Variants in OC90 observed in about 807,000 individuals in gnomAD.
OC90 encodes the protein otoconin-90.
In OC90, 46 loss-of-function variants were observed where a neutral mutation model predicts 47.3. The observed-to-expected ratio is 0.97, with a 90% CI of 0.77 to 1.24. OC90 has a LOEUF of 1.24. OC90 is among the 50% of genes most tolerant of loss of function. The pLI, the probability that OC90 is intolerant of heterozygous loss-of-function variation, is 0.00. For synonymous variants in OC90, 271 were observed against 219.5 expected (o/e 1.23, Z -2.07); for missense variants, 688 against 583.9 (o/e 1.18, Z -1.84).
intron 2 of OC90, among the ~76,000 whole-genome samples, chr8:132,052,885 C>G (rs377446576): frequency 1.3e-5 from 2 of 152,130 alleles, no homozygotes. Flanking sequence ...AACTGAGACT[C>G]TTCGATGAAG....
intron 2 of OC90, among the ~76,000 whole-genome samples, chr8:132,051,155 G>A (rs191314664): frequency 1.3e-5 from 2 of 152,280 alleles, no homozygotes; most frequent in Non-Finnish European, 2.9e-5. Context: ...TGAGAAAACT[G>A]TTGGATAGAA....
At chr8:132,053,585 C>T (rs139204063) in intron 2 of OC90, among the ~76,000 whole-genome samples, 138 of 152,206 alleles carry the variant, frequency 9.1e-4, no homozygotes, top group African/African-American at 3.1e-3. Flanking sequence ...TGTATTCTAC[C>T]GAAAAGATCA....
chr8:132,058,194 C>T (rs772861018), intron 1 of OC90, among the ~76,000 whole-genome samples: 4 of 152,052 alleles, frequency 2.6e-5, no homozygotes, highest in Non-Finnish European at 4.4e-5. Context: ...GAGGATGACC[C>T]GAATCTGGGG....
intron 6 of OC90, 92 bp from the exon 7 acceptor site, chr8:132,039,215 C>G: frequency 2.1e-6 from 3 of 1,401,072 alleles, no homozygotes; most frequent in South Asian, 2.5e-5. Flanking sequence ...CTCATCTCCC[C>G]TGCCAAAAAT....
At chr8:132,025,721 CA>C (rs1822747327) in intron 13 of OC90, among the ~76,000 whole-genome samples, 1 of 152,200 alleles carries the variant, frequency 6.6e-6, no homozygotes, top group African/African-American at 2.4e-5. Flanking sequence ...TACTTTGCTT[CA>C]GTAAACTCTT....
chr8:132,053,863 A>G (rs528972545), intron 2 of OC90, among the ~76,000 whole-genome samples: 1 of 152,298 alleles, frequency 6.6e-6, no homozygotes, highest in Non-Finnish European at 1.5e-5. Context: ...GGCAGCTCCG[A>G]GTGAGAGTAG....
At chr8:132,026,351 C>T (rs1288236557) in intron 13 of OC90, among the ~76,000 whole-genome samples, 3 of 152,214 alleles carry the variant, frequency 2.0e-5, no homozygotes, top group African/African-American at 7.2e-5. Context: ...TTTTTCCTAT[C>T]ATATACCACA....
At chr8:132,055,996 GT>G (rs1327826219) in intron 1 of OC90, among the ~76,000 whole-genome samples, 1 of 152,186 alleles carries the variant, frequency 6.6e-6, no homozygotes, top group African/African-American at 2.4e-5. Flanking sequence ...AATACGGTTG[GT>G]TGTCTTGTGC....
chr8:132,031,775 G>A (rs1203804761), intron 12 of OC90, 106 bp downstream of exon 12: 2 of 936,872 alleles, frequency 2.1e-6, no homozygotes, highest in Non-Finnish European at 3.2e-6. Flanking sequence ...CAAGCATTTA[G>A]TGAGGCCCAA....
chr8:132,039,306 C>T (rs766248221), intron 6 of OC90, among the ~76,000 whole-genome samples, 183 bp from the exon 7 acceptor site: 15 of 151,952 alleles, frequency 9.9e-5, no homozygotes, highest in Non-Finnish European at 1.8e-4. Flanking sequence ...GGTCCATACC[C>T]ACTCCTCTTC....
intron 4 of OC90, among the ~76,000 whole-genome samples, chr8:132,042,909 T>C: frequency 6.6e-6 from 1 of 152,244 alleles, no homozygotes; most frequent in Non-Finnish European, 1.5e-5. Context: ...GGAATTCCGC[T>C]ACTGGAATTT....
rs79332351 is a variant in OC90 at position 132,033,152 on chromosome 8, A to G, written c.746T>C (p.Ile249Thr). 4.6e-3 allele frequency: 7,363 copies of G among 1,605,014 alleles called. 340 individuals are homozygous for G. In the East Asian group the frequency reaches 0.11, roughly 23 times the overall value. Residue 249 changes from isoleucine (I) to threonine (T), a missense_variant, in exon 11 of 14, where the codon ATA becomes ACA. Physicochemically the swap from Ile to Thr is moderately conservative, Grantham distance 89. Coordinates refer to ENST00000254627, the MANE Select transcript of OC90 (RefSeq NM_001080399.3). ...TTTAGCTGTAACCCTTGTTGCAACT[A>G]TCTCTGCAGATCCTGAAAATGAAAA... ...RATSPPGSAE[I>T]VATRVTAKIV...
Position 132,039,148 on chromosome 8 carries a change from A to T in OC90, c.458-25T>A, listed in dbSNP as rs752805319. 5 of 1,577,450 alleles carry T rather than the reference A, an allele frequency of 3.2e-6. No individual in the cohort carries two copies. In the South Asian group the frequency reaches 4.6e-5, roughly 15 times the overall value. On this transcript the variant is annotated intron_variant, in intron 6 of 13. Coordinates refer to ENST00000254627, the MANE Select transcript of OC90 (RefSeq NM_001080399.3). ...TCTGCACACAGCAAGAGCATAGCCAATTGGAAAGATCTCAGCTGGAATCCC... is the reference window on the plus strand; with the variant it reads ...TCTGCACACAGCAAGAGCATAGCCATTTGGAAAGATCTCAGCTGGAATCCC...
chr8:132,046,481 T>C (rs1254903790), intron 2 of OC90, among the ~76,000 whole-genome samples: 1 of 152,184 alleles, frequency 6.6e-6, no homozygotes, highest in South Asian at 2.1e-4. Flanking sequence ...TGTTACTTAA[T>C]GGTGTAATAA....
At chr8:132,033,220 G>A (rs1337581720) in intron 10 of OC90, 56 bp from the exon 11 acceptor site, 14 of 1,568,432 alleles carry the variant, frequency 8.9e-6, no homozygotes, top group Non-Finnish European at 1.1e-5. Context: ...GGAGAGATTT[G>A]CAGATGGACA....
At chr8:132,024,905 C>T in intron 13 of OC90, 129 bp from the exon 14 acceptor site, 1 of 701,310 alleles carries the variant, frequency 1.4e-6, no homozygotes, top group Non-Finnish European at 2.3e-6. Flanking sequence ...GGGTATCCAC[C>T]TTATATGGCT....
Position 132,024,759 on chromosome 8 carries a change from A to G in OC90, c.1156T>C (p.Cys386Arg). ...HTPKCGGQSL[C>R]EKLLCACDQT... is the part of the protein sequence containing the mutation. ...TCACAGGCACAGAGCAACTTCTCAC[A>G]CAGGCTTTGGCCCCCACCTTAGAAG... Residue 386 changes from cysteine to arginine, a missense_variant, in exon 14 of 14, where the codon TGT becomes CGT. Physicochemically the swap from Cys to Arg is radical, Grantham distance 180. Transcript: ENST00000254627. The G allele has an allele frequency of 6.2e-7, 1 of 1,613,256 alleles. No homozygotes were observed.
intron 1 of OC90, among the ~76,000 whole-genome samples, chr8:132,057,939 C>T (rs1489537905): frequency 5.3e-5 from 8 of 152,250 alleles, no homozygotes; most frequent in Admixed American, 5.2e-4. Context: ...CTTGTTCTGG[C>T]TCCAATACCC....
In OC90 at chr8:132,041,705, G is replaced by C; in HGVS notation, c.170-6C>G. 6.6e-7 allele frequency: 1 copy of C among 1,519,788 alleles called. No individual in the cohort carries two copies. Among genetic ancestry groups the C allele is most frequent in the Non-Finnish European group, 9.1e-7 (1 of 1,099,472 alleles). The allele number at this position is 1,519,788 out of a possible 1,614,324, so 94.1% of individuals were successfully genotyped here. On this transcript the variant is annotated splice_polypyrimidine_tract_variant and splice_region_variant and intron_variant, in intron 4 of 13. Coordinates refer to ENST00000254627, the MANE Select transcript of OC90 (RefSeq NM_001080399.3). ...GAAGTGGGGGCCCAGGCAATCTGTG[G>C]GGGTGGGGGGCAGGGCCTGATAAGC...
Sources: gnomAD v4.1 joint callset for allele counts (sites outside exome capture counted in the v4.1 genomes callset) on GRCh38, gnomAD v4.1.1 for gene constraint, MANE v1.5 for transcripts, NCBI Gene and HGNC (gene_info 2026-07-23, HGNC 2026-07-21) for gene names.